The following NEIL2 variants were observed in gnomAD, a reference collection of about 807,000 sequenced individuals.
NEIL2 encodes nei like DNA glycosylase 2.
A neutral mutation model predicts 22.2 loss-of-function variants in NEIL2; 23 were observed. The observed-to-expected ratio is 1.04, with a 90% CI of 0.75 to 1.47. The LOEUF (loss-of-function observed/expected upper bound fraction) is 1.47, where lower values mean the gene tolerates loss of function less well. Ranked by LOEUF, NEIL2 falls within the 40% of genes most tolerant of loss-of-function variation. The probability of loss-of-function intolerance (pLI) is 0.00; values close to 1 mark genes in which losing one functional copy is unlikely to be tolerated. For missense variants in NEIL2, 583 were observed against 404.7 expected (o/e 1.44, Z -3.78); for synonymous variants, 229 against 164.8 (o/e 1.39, Z -2.99).
chr8:11,785,847 C>G (rs1156649632), intron 4 of NEIL2, 116 bp from the exon 5 acceptor site: 1 of 924,928 alleles, frequency 1.1e-6, no homozygotes, highest in African/African-American at 1.6e-5. Context: ...ATCGCAGACC[C>G]GTCTAGGGTC....
rs546027795 is a variant in NEIL2 at position 11,781,152 on chromosome 8, G to A, written c.491+1202G>A. ...CTGAAGTTTTATAACTTGTAAAAAT[G>A]TTTAGAAGTGTAGTCTTTATTTGTG... is the stretch of plus-strand genomic sequence containing the variant. On this transcript the variant is annotated intron_variant, in intron 3 of 4. Transcript: ENST00000284503. 2.1e-5 allele frequency among the ~76,000 whole-genome samples: 3 copies of A among 142,250 alleles called. No individual in the cohort carries two copies. In the Admixed American group the frequency reaches 2.2e-4, roughly 10 times the overall value. The allele number at this position is 142,250 out of a possible 152,430, so 93.3% of individuals were successfully genotyped here.
chr8:11,772,832 G>A (rs1057212915), intron 2 of NEIL2, among the ~76,000 whole-genome samples: 3 of 152,164 alleles, frequency 2.0e-5, no homozygotes, highest in African/African-American at 7.2e-5. Flanking sequence ...ACCTCTTAAA[G>A]TTGTTGTTTT....
At chr8:11,775,492 C>T (rs1413613067) in intron 2 of NEIL2, among the ~76,000 whole-genome samples, 2 of 152,180 alleles carry the variant, frequency 1.3e-5, no homozygotes, top group African/African-American at 4.8e-5. Context: ...CTGTGAAGGT[C>T]TCTGACATGC....
At chr8:11,780,620 C>T (rs1804326731) in intron 3 of NEIL2, among the ~76,000 whole-genome samples, 1 of 152,180 alleles carries the variant, frequency 6.6e-6, no homozygotes, top group Non-Finnish European at 1.5e-5. Flanking sequence ...TGGCCTCAAG[C>T]GATCGCCTAC....
Position 11,786,432 on chromosome 8 carries a change from G to C in NEIL2, c.*159G>C. ...TCTCCCTGGAGTTATGTTGAAGGCA[G>C]AGTTTTCATAGGGTTAGATTTTTTT... On this transcript the variant is annotated 3_prime_UTR_variant, in exon 5 of 5. Transcript: ENST00000284503. The C allele has an allele frequency of 2.8e-6, 2 of 718,886 alleles. No individual in the cohort carries two copies. Among genetic ancestry groups the C allele is most frequent in the South Asian group, 1.6e-5 (1 of 62,270 alleles). The allele number at this position is 718,886 out of a possible 1,614,324, so 44.5% of individuals were successfully genotyped here. A position where few individuals can be genotyped will look rare whatever the true frequency, so the allele number is the denominator to read the frequency against.
chr8:11,777,492 T>A (rs1374439852), intron 2 of NEIL2, among the ~76,000 whole-genome samples: 1 of 152,194 alleles, frequency 6.6e-6, no homozygotes, highest in Non-Finnish European at 1.5e-5. Context: ...CTTTTTTATC[T>A]CCCCAAGCTG....
chr8:11,771,441 C>A lies in NEIL2; in HGVS notation c.-2-5C>A, dbSNP rs753498133. ...GTGGCCTCTTTTGCCCATTTCTGCCCACAGGGATGCCAGAAGGGCCGTTGG... is the reference window on the plus strand; with the variant it reads ...GTGGCCTCTTTTGCCCATTTCTGCCAACAGGGATGCCAGAAGGGCCGTTGG... On this transcript the variant is annotated splice_polypyrimidine_tract_variant and splice_region_variant and intron_variant, in intron 1 of 4. Transcript: ENST00000284503. 3 of 1,613,562 alleles carry A rather than the reference C, an allele frequency of 1.9e-6. No individual in the cohort carries two copies. Among genetic ancestry groups the A allele is most frequent in the Non-Finnish European group, 2.5e-6 (3 of 1,180,004 alleles).
At chr8:11,770,459 G>A (rs1355855931) in intron 1 of NEIL2, 124 bp downstream of exon 1, 1 of 152,346 alleles carries the variant, frequency 6.6e-6, no homozygotes, top group East Asian at 1.9e-4. Flanking sequence ...GCGAGTGTAA[G>A]ATGCGCGTTA....
In NEIL2 at chr8:11,785,995, G is replaced by C; in HGVS notation, c.721G>C (p.Ala241Pro). ...CATTAAGAATGAAGCCTTGTACAGA[G>C]CTGGGATCCATCCCCTTTCTCTCGG... The part of the protein sequence containing the change: ...NIIKNEALYR[A>P]GIHPLSLGSV... The change falls in exon 5 of 5, where the codon GCT (alanine) becomes CCT (proline). Residue 241 changes from alanine (A) to proline (P), a missense_variant. Physicochemically the swap from Ala to Pro is conservative, Grantham distance 27. Coordinates refer to ENST00000284503, the MANE Select transcript of NEIL2 (RefSeq NM_145043.4). The C allele has an allele frequency of 6.2e-7, 1 of 1,614,106 alleles. No individual in the cohort carries two copies. Among genetic ancestry groups the C allele is most frequent in the Non-Finnish European group, 8.5e-7 (1 of 1,180,014 alleles).
Position 11,786,235 on chromosome 8 carries a change from C to T in NEIL2, c.961C>T (p.Gln321Ter). ...LTWWCPQCQPQLSEEPEQCQF... is the reference protein window; with the variant it reads ...LTWWCPQCQP ...CTGGTGGTGCCCGCAGTGCCAGCCC[C>T]AGTTGTCAGAGGAGCCAGAGCAGTG... is the stretch of plus-strand genomic sequence containing the variant. Residue 321 changes from glutamine (Q) to a stop codon, truncating the protein, a stop_gained, in exon 5 of 5, where the codon CAG becomes TAG. Transcript: ENST00000284503. LOFTEE classifies it low-confidence loss of function (END_TRUNC). 1.2e-6 allele frequency: 2 copies of T among 1,612,968 alleles called. No homozygotes were observed. Among genetic ancestry groups the T allele is most frequent in the Non-Finnish European group, 1.7e-6 (2 of 1,179,996 alleles).
intron 2 of NEIL2, among the ~76,000 whole-genome samples, chr8:11,775,635 A>G (rs1803847632): frequency 6.6e-6 from 1 of 152,042 alleles, no homozygotes; most frequent in Admixed American, 6.6e-5. Flanking sequence ...CAGGCTGCAA[A>G]TTTTTCAAAC....
At chr8:11,783,596 T>C (rs1057113197) in intron 4 of NEIL2, among the ~76,000 whole-genome samples, 197 bp downstream of exon 4, 3 of 152,250 alleles carry the variant, frequency 2.0e-5, no homozygotes, top group Non-Finnish European at 1.5e-5. Context: ...TTAACTTGTC[T>C]CTCTGCTTCA....
chr8:11,775,346 C>G (rs954192980), intron 2 of NEIL2, among the ~76,000 whole-genome samples: 2 of 152,186 alleles, frequency 1.3e-5, no homozygotes, highest in African/African-American at 4.8e-5. Flanking sequence ...TACATTGGCG[C>G]TTTTTAGCCA....
rs1239431519 is a variant in NEIL2, at chr8:11,784,641, T to C, written c.688+1242T>C. Among the ~76,000 whole-genome samples the C allele has an allele frequency of 5.3e-5, 8 of 152,270 alleles. 2 individuals carry two copies. The South Asian group carries it at 1.4e-3, about 28-fold the overall frequency. ...TCACCACCTCTCCTTAAGGAGATCA[T>C]TGTATAATGGCCCAGCAAGCATGGA... On this transcript the variant is annotated intron_variant, in intron 4 of 4. Transcript: ENST00000284503.
At chr8:11,778,785 C>G (rs982112132) in intron 2 of NEIL2, among the ~76,000 whole-genome samples, 3 of 151,896 alleles carry the variant, frequency 2.0e-5, no homozygotes, top group South Asian at 2.1e-4. Context: ...GACGTGGTCT[C>G]TGCTAAATAT....
intron 2 of NEIL2, among the ~76,000 whole-genome samples, chr8:11,774,156 G>T (rs185340952): frequency 1.3e-5 from 2 of 152,084 alleles, no homozygotes; most frequent in Non-Finnish European, 2.9e-5. Flanking sequence ...TGGGCAGGTC[G>T]CCTGAGGTCA....
Position 11,786,434 on chromosome 8 carries a change from G to T in NEIL2, c.*161G>T. 1.4e-6 allele frequency: 1 copy of T among 702,396 alleles called. No individual in the cohort carries two copies. 43.5% of individuals were successfully genotyped at this position (702,396 alleles called of 1,614,324 possible). ...TCCCTGGAGTTATGTTGAAGGCAGAGTTTTCATAGGGTTAGATTTTTTTTA... is the reference window on the plus strand; with the variant it reads ...TCCCTGGAGTTATGTTGAAGGCAGATTTTTCATAGGGTTAGATTTTTTTTA... On this transcript the variant is annotated 3_prime_UTR_variant, in exon 5 of 5. Transcript: ENST00000284503.
Position 11,779,685 on chromosome 8 carries a change from AAAG to A in NEIL2, c.230_232del (p.Glu77del), listed in dbSNP as rs760278451. ...CAGCCCAACACCAGAGCCTCCACAA[AAAG>A]AAGTGCAGAAGGAAGGGGCTGCGGA... On this transcript the variant is annotated inframe_deletion, in exon 3 of 5. Transcript: ENST00000284503. 3 of 1,613,896 alleles carry A rather than the reference AAAG, an allele frequency of 1.9e-6. No homozygotes were observed. The highest frequency in any genetic ancestry group is 4.5e-5 in the East Asian group (2 of 44,894).
chr8:11,778,956 A>AAG (rs1201000972), intron 2 of NEIL2, among the ~76,000 whole-genome samples: 3 of 150,206 alleles, frequency 2.0e-5, no homozygotes, highest in East Asian at 3.9e-4. Flanking sequence ...AAAAAAAAAA[A>AAG]AAAAAAAAAG....
Sources: allele counts gnomAD v4.1 joint callset (sites outside exome capture counted in the v4.1 genomes callset), GRCh38; gene constraint gnomAD v4.1.1; transcripts MANE v1.5; gene names NCBI Gene and HGNC (gene_info 2026-07-23, HGNC 2026-07-21).